KIAA1210: variants seen among roughly 807,000 people sequenced by gnomAD.
The protein encoded by KIAA1210 is KIAA1210.
A neutral mutation model predicts 78.9 loss-of-function variants in KIAA1210; 48 were observed. That is an observed-to-expected ratio of 0.61 (90% CI 0.48 to 0.77). The LOEUF (loss-of-function observed/expected upper bound fraction) is 0.77, where lower values mean the gene tolerates loss of function less well. Among genes scored for constraint, KIAA1210 ranks in the 30% least tolerant of loss-of-function variants. KIAA1210 has a pLI of 0.00. For missense variants in KIAA1210, 1,108 were observed against 1,100.0 expected, an observed-to-expected ratio of 1.01 and a Z score of -0.10; for synonymous variants, 406 against 404.5, an observed-to-expected ratio of 1.00 and a Z score of -0.04.
In KIAA1210 at chrX:119,088,291, G is replaced by A. The variant is rs756043571; in HGVS notation, c.2411C>T (p.Pro804Leu). Residue 804 changes from proline (P) to leucine (L), a missense_variant, in exon 9 of 12, where the codon CCT (proline) becomes CTT (leucine). By Grantham distance (98) the Pro-to-Leu change is moderately conservative. Around this residue, in one of 5 missense-constraint regions of KIAA1210, gnomAD observed 672 missense variants for 607.1 expected, o/e 1.11. Coordinates refer to ENST00000691062, the MANE Select transcript of KIAA1210 (RefSeq NM_001394962.1). ...MAVEESISMKPLPPKLLCQPL... is the reference protein window; with the variant it reads ...MAVEESISMKLLPPKLLCQPL... Reference sequence around the variant, plus strand: ...CTGGCAAAGAAGTTTAGGAGGCAGAGGCTTCATAGAAATGCTCTCTTCAAC... The same window carrying A: ...CTGGCAAAGAAGTTTAGGAGGCAGAAGCTTCATAGAAATGCTCTCTTCAAC... The A allele has an allele frequency of 8.3e-7, 1 of 1,211,296 alleles. No individual in the cohort carries two copies. Among genetic ancestry groups the A allele is most frequent in the South Asian group, 1.8e-5 (1 of 56,937 alleles).
chrX:119,114,782 T>G (rs1245409256), intron 3 of KIAA1210, among the ~76,000 whole-genome samples: 1 of 112,279 alleles, frequency 8.9e-6, no homozygotes, highest in Admixed American at 9.5e-5. Context: ...TTAGCACCAG[T>G]TGTGGCCAAG....
At chrX:119,136,122 T>C (rs1928908706) in intron 2 of KIAA1210, among the ~76,000 whole-genome samples, 1 of 111,729 alleles carries the variant, frequency 9.0e-6, no homozygotes, top group African/African-American at 3.2e-5. Context: ...ACATAGCTCA[T>C]TGGATTCTGT....
intron 7 of KIAA1210, among the ~76,000 whole-genome samples, chrX:119,095,350 T>A (rs963580835): frequency 8.9e-6 from 1 of 112,651 alleles, no homozygotes; most frequent in Non-Finnish European, 1.9e-5. Flanking sequence ...GTGAGTTTTA[T>A]AGACAACTGA....
intron 2 of KIAA1210, among the ~76,000 whole-genome samples, chrX:119,143,345 C>A (rs752892173): frequency 5.1e-4 from 57 of 112,262 alleles, no homozygotes; most frequent in African/African-American, 1.8e-3. Flanking sequence ...GATCAATAGG[C>A]CACAGATACG....
At chrX:119,138,211 GTTTTT>G (rs759946882) in intron 2 of KIAA1210, among the ~76,000 whole-genome samples, 1 of 47,831 alleles carries the variant, frequency 2.1e-5, no homozygotes, top group Non-Finnish European at 3.4e-5. Flanking sequence ...TGGTTTGGTT[GTTTTT>G]TTTTTTTTTT....
intron 7 of KIAA1210, among the ~76,000 whole-genome samples, chrX:119,094,667 A>G (rs1321342084): frequency 8.9e-6 from 1 of 111,834 alleles, no homozygotes; most frequent in African/African-American, 3.3e-5. Flanking sequence ...CTCCTGTGGG[A>G]CTTGTAGATC....
rs1169628912 is a variant in KIAA1210 at position 119,081,580 on chromosome X, TATA to T, written c.4427-79_4427-77del. On this transcript the variant is annotated intron_variant, in intron 11 of 11. Transcript: ENST00000691062. ...GGGGTATGTTGTTTATGGAATGCCA[TATA>T]ATGTTTCCTCCTTTCAGGTTTCCTC... 3.0e-6 allele frequency: 3 copies of T among 993,409 alleles called. No individual in the cohort carries two copies. The East Asian group carries it at 9.5e-5, about 32-fold the overall frequency. 81.9% of individuals were successfully genotyped at this position (993,409 alleles called of 1,213,427 possible). A position where few individuals can be genotyped will look rare whatever the true frequency, so the allele number is the denominator to read the frequency against.
chrX:119,149,850 C>G (rs990194703), intron 1 of KIAA1210, among the ~76,000 whole-genome samples: 7 of 110,888 alleles, frequency 6.3e-5, no homozygotes, highest in African/African-American at 2.3e-4. Flanking sequence ...CCATGTTTCC[C>G]TCTCTCTTTC....
In KIAA1210 at chrX:119,096,598, C is replaced by T. The variant is rs370601857; in HGVS notation, c.742G>A (p.Gly248Ser). 12 of 1,209,231 alleles carry T rather than the reference C, an allele frequency of 9.9e-6. No homozygotes were observed. The highest frequency in any genetic ancestry group is 1.3e-5 in the Non-Finnish European group (12 of 894,717). Residue 248 changes from glycine (G) to serine (S), a missense_variant, in exon 7 of 12, where the codon GGT (glycine) becomes AGT (serine). By Grantham distance (56) the Gly-to-Ser change is moderately conservative. This residue lies in a region of KIAA1210 where 672 missense variants were observed against 607.1 expected (regional missense o/e 1.11). Coordinates refer to ENST00000691062, the MANE Select transcript of KIAA1210 (RefSeq NM_001394962.1). ...ASTSSTQLPI[G>S]FSTPATTQGC... is the part of the protein sequence containing the mutation. The stretch of plus-strand genomic sequence containing the variant: ...TGGGTGGTGGCTGGGGTGCTGAAAC[C>T]AATGGGCAGCTGGGTGCTACTGGTA...
Position 119,096,707 on chromosome X carries a change from GA to G in KIAA1210, c.649-17del. 8.7e-7 allele frequency: 1 copy of G among 1,147,108 alleles called. No individual in the cohort carries two copies. Among genetic ancestry groups the G allele is most frequent in the East Asian group, 3.1e-5 (1 of 32,597 alleles). 94.5% of individuals were successfully genotyped at this position (1,147,108 alleles called of 1,213,427 possible). On this transcript the variant is annotated splice_polypyrimidine_tract_variant and intron_variant, in intron 6 of 11. Coordinates refer to ENST00000691062, the MANE Select transcript of KIAA1210 (RefSeq NM_001394962.1). ...CAGAGAAGCTCTGGGGAAGGTGGGA[GA>G]AAATAGACGAGTCAACCCGTATGCT...
intron 8 of KIAA1210, among the ~76,000 whole-genome samples, chrX:119,092,572 T>C (rs756452168): frequency 1.7e-4 from 19 of 110,563 alleles, no homozygotes; most frequent in African/African-American, 5.3e-4. Context: ...TCATCCTGGC[T>C]AACACGGTGA....
At chrX:119,114,860 G>A (rs951186930) in intron 3 of KIAA1210, among the ~76,000 whole-genome samples, 3 of 111,680 alleles carry the variant, frequency 2.7e-5, no homozygotes, top group African/African-American at 6.5e-5. Context: ...CCCTGGAGGC[G>A]AAAATAAAAA....
intron 2 of KIAA1210, among the ~76,000 whole-genome samples, chrX:119,146,309 T>G (rs1034239230): frequency 8.9e-6 from 1 of 112,275 alleles, no homozygotes; most frequent in Non-Finnish European, 1.9e-5. Flanking sequence ...TATTCCATTG[T>G]CAATCAAGAA....
exon 1 of KIAA1210, chrX:119,150,340 G>A (rs780068264): frequency 4.5e-5 from 54 of 1,206,127 alleles, no homozygotes; most frequent in Non-Finnish European, 5.9e-5. Flanking sequence ...GGAAGCCCCG[G>A]GAATAACTAG....
intron 6 of KIAA1210, among the ~76,000 whole-genome samples, chrX:119,097,815 G>A (rs975577909): frequency 1.8e-5 from 2 of 111,870 alleles, no homozygotes; most frequent in African/African-American, 6.5e-5. Context: ...GATTCAGGGA[G>A]AAGACAGAGA....
intron 1 of KIAA1210, chrX:119,150,284 A>G (rs917905117): frequency 3.3e-6 from 4 of 1,198,088 alleles, no homozygotes; most frequent in African/African-American, 1.8e-5. Context: ...GGAGTGCCAC[A>G]AAGTACCCCT....
intron 4 of KIAA1210, 85 bp from the exon 5 acceptor site, chrX:119,108,556 T>G (rs1927965273): frequency 1.9e-6 from 2 of 1,070,711 alleles, no homozygotes; most frequent in Non-Finnish European, 2.5e-6. Context: ...TAATTATTCT[T>G]ATGGTGTGTT....
chrX:119,123,707 G>A lies in KIAA1210; in HGVS notation c.-10-55C>T, dbSNP rs753551384. On this transcript the variant is annotated intron_variant, in intron 1 of 11. Coordinates refer to ENST00000691062, the MANE Select transcript of KIAA1210 (RefSeq NM_001394962.1). ...AATATCATCATTTGATATTCAGGGC[G>A]TAATGCAATCCTTTCACCCTACCCC... The A allele has an allele frequency of 1.6e-4, 122 of 782,925 alleles. 1 individual carries two copies. The African/African-American group carries it at 2.0e-3, about 13-fold the overall frequency. 64.5% of individuals were successfully genotyped at this position (782,925 alleles called of 1,213,427 possible).
At chrX:119,131,129 G>T (rs1329936098), upstream of KIAA1210, among the ~76,000 whole-genome samples, 1 of 111,999 alleles carries the variant, frequency 8.9e-6, no homozygotes, top group African/African-American at 3.2e-5. Context: ...CTGGCCTCAT[G>T]TTGTTGGTTT....
Sources: allele counts gnomAD v4.1 joint callset (sites outside exome capture counted in the v4.1 genomes callset), GRCh38; gene constraint gnomAD v4.1.1; regional missense constraint gnomAD v4.1.1; transcripts MANE v1.5; gene names NCBI Gene and HGNC (gene_info 2026-07-23, HGNC 2026-07-21).